CEMIP: variants seen among roughly 807,000 people sequenced by gnomAD.
The protein encoded by CEMIP is cell migration-inducing and hyaluronan-binding protein.
CEMIP carries 105 observed loss-of-function variants against 156.9 expected under a neutral mutation model. That is an observed-to-expected ratio of 0.67 (90% CI 0.57 to 0.79). The LOEUF (loss-of-function observed/expected upper bound fraction) is 0.79, where lower values mean the gene tolerates loss of function less well. Among genes scored for constraint, CEMIP ranks in the 30% least tolerant of loss-of-function variants. The probability of loss-of-function intolerance (pLI) is 0.00; values close to 1 mark genes in which losing one functional copy is unlikely to be tolerated. For missense variants in CEMIP, 1,457 were observed against 1,769.4 expected (o/e 0.82, Z 3.17); for synonymous variants, 676 against 668.4 (o/e 1.01, Z -0.17).
chr15:80,897,793 C>A (rs1899295663), intron 12 of CEMIP, among the ~76,000 whole-genome samples: 1 of 152,100 alleles, frequency 6.6e-6, no homozygotes, highest in African/African-American at 2.4e-5. Flanking sequence ...CCGAGATTAG[C>A]AGAAGAGCAG....
intron 1 of CEMIP, among the ~76,000 whole-genome samples, chr15:80,807,772 A>G (rs553781749): frequency 6.6e-6 from 1 of 152,322 alleles, no homozygotes; most frequent in African/African-American, 2.4e-5. Context: ...TTCCATTTCA[A>G]TATTTCTGTC....
chr15:80,913,922 G>A (rs1179099655), intron 14 of CEMIP, among the ~76,000 whole-genome samples: 2 of 152,228 alleles, frequency 1.3e-5, no homozygotes, highest in South Asian at 2.1e-4. Flanking sequence ...AAACTCATTC[G>A]CATCTTACAG....
intron 1 of CEMIP, among the ~76,000 whole-genome samples, chr15:80,846,861 T>TG (rs960700339): frequency 2.6e-4 from 39 of 152,280 alleles, no homozygotes; most frequent in African/African-American, 9.1e-4. Flanking sequence ...TGACAAGACT[T>TG]GGGGGCTTTA....
At chr15:80,847,622 C>CCTT (rs1431684686) in intron 1 of CEMIP, among the ~76,000 whole-genome samples, 4 of 152,214 alleles carry the variant, frequency 2.6e-5, no homozygotes, top group Non-Finnish European at 5.9e-5. Flanking sequence ...TGACAAACAG[C>CCTT]TGCAATTTGT....
chr15:80,791,109 T>TAA (rs5814036), intron 1 of CEMIP, among the ~76,000 whole-genome samples: 2 of 143,896 alleles, frequency 1.4e-5, no homozygotes, highest in African/African-American at 5.0e-5. Flanking sequence ...TGCAGAGGAT[T>TAA]AAAAAAAAAA....
rs544598592 is a variant in CEMIP, at chr15:80,817,282, G to GATTTGCAT, written c.-176+37670_-176+37677dup. ...TTGGATATTGCTTATAGGAGAATAG[G>GATTTGCAT]ATTTGCATAAATGATGTGTGAGTAG... On this transcript the variant is annotated intron_variant, in intron 1 of 29. Coordinates refer to ENST00000394685, the MANE Select transcript of CEMIP (RefSeq NM_001293298.2). Among the ~76,000 whole-genome samples the GATTTGCAT allele has an allele frequency of 6.6e-5, 10 of 152,180 alleles. No homozygotes were observed. The South Asian group carries it at 2.1e-3, about 32-fold the overall frequency.
At chr15:80,933,096 G>A in intron 22 of CEMIP, 149 bp from the exon 23 acceptor site, 1 of 697,336 alleles carries the variant, frequency 1.4e-6, no homozygotes, top group Non-Finnish European at 2.5e-6. Context: ...GGAGGGGTCA[G>A]CCACGTGGTT....
chr15:80,867,411 C>T (rs1187784753), intron 1 of CEMIP, among the ~76,000 whole-genome samples: 1 of 152,188 alleles, frequency 6.6e-6, no homozygotes, highest in African/African-American at 2.4e-5. Flanking sequence ...GGTTTTTGGT[C>T]TTTGCAGCAA....
At chr15:80,890,921 A>C (rs1371922650) in intron 10 of CEMIP, among the ~76,000 whole-genome samples, 4 of 152,202 alleles carry the variant, frequency 2.6e-5, no homozygotes, top group African/African-American at 7.2e-5. Flanking sequence ...AGTGTTATTG[A>C]GAAGGATTTA....
intron 1 of CEMIP, among the ~76,000 whole-genome samples, chr15:80,826,198 C>T (rs368318368): frequency 2.0e-4 from 30 of 152,272 alleles, no homozygotes; most frequent in South Asian, 8.3e-4. Flanking sequence ...GTATTTTCTC[C>T]GGATGCTACA....
chr15:80,906,635 T>A lies in CEMIP; in HGVS notation c.1412-28T>A. ...TCAGTGGGCATGCAGTACCTGCTGT[T>A]GTTTACCGTCCTCCCTTTCTGCCCT... On this transcript the variant is annotated intron_variant, in intron 12 of 29. Transcript: ENST00000394685. This position sits in a 1 kb window ranked among gnomAD's most constrained non-coding sequence, Gnocchi z 4.3. 1 of 1,600,412 alleles carries A rather than the reference T, an allele frequency of 6.2e-7. No homozygotes were observed. Among genetic ancestry groups the A allele is most frequent in the Non-Finnish European group, 8.5e-7 (1 of 1,171,914 alleles).
At chr15:80,852,757 C>T (rs1414408134) in intron 1 of CEMIP, among the ~76,000 whole-genome samples, 1 of 152,126 alleles carries the variant, frequency 6.6e-6, no homozygotes, top group African/African-American at 2.4e-5. Context: ...TGGTGCTTAT[C>T]TCATTTTCAG....
rs78282655 is a variant in CEMIP, at chr15:80,893,538, T to C, written c.1087-1452T>C. On this transcript the variant is annotated intron_variant, in intron 10 of 29. Transcript: ENST00000394685. ...TTACGGGGTCTCCAATTGAAGAACA[T>C]GCTACCCTCAGGGGAAAACTTCAGG... 1.1e-3 allele frequency among the ~76,000 whole-genome samples: 174 copies of C among 152,322 alleles called. 5 individuals are homozygous for C. In the East Asian group the frequency reaches 0.029, roughly 25 times the overall value.
chr15:80,934,422 A>C (rs1901038793), intron 23 of CEMIP, among the ~76,000 whole-genome samples: 1 of 152,250 alleles, frequency 6.6e-6, no homozygotes. Context: ...TTAAAATATT[A>C]GTTAGCTATT....
At chr15:80,827,245 A>G (rs926767629) in intron 1 of CEMIP, among the ~76,000 whole-genome samples, 2 of 152,220 alleles carry the variant, frequency 1.3e-5, no homozygotes, top group Non-Finnish European at 2.9e-5. Flanking sequence ...GAAAGAGAGA[A>G]AATACCACTC....
chr15:80,862,027 A>G (rs1247913790), intron 1 of CEMIP, among the ~76,000 whole-genome samples: 1 of 152,208 alleles, frequency 6.6e-6, no homozygotes, highest in Non-Finnish European at 1.5e-5. Context: ...AAAAAGGCTC[A>G]TGGTGGGGCA....
intron 5 of CEMIP, 67 bp downstream of exon 5, chr15:80,879,921 CAGAG>C (rs1898591979): frequency 1.3e-6 from 2 of 1,591,288 alleles, no homozygotes; most frequent in African/African-American, 1.3e-5. Context: ...CTTTCCAAGA[CAGAG>C]AGAGAGGCAA....
chr15:80,836,567 C>T (rs1897274023), intron 1 of CEMIP, among the ~76,000 whole-genome samples: 1 of 152,172 alleles, frequency 6.6e-6, no homozygotes, highest in Middle Eastern at 3.2e-3. Flanking sequence ...TTCCATAGTT[C>T]CTTTTGCCAT....
chr15:80,900,877 A>C (rs1000010184), intron 12 of CEMIP: 6 of 452,274 alleles, frequency 1.3e-5, no homozygotes, highest in African/African-American at 1.2e-4. Context: ...GGCTGGCTGC[A>C]GACACGGACA....
Sources: gnomAD v4.1 joint callset for allele counts (sites outside exome capture counted in the v4.1 genomes callset) on GRCh38, gnomAD v4.1.1 for gene constraint, Gnocchi (gnomAD v3.1) non-coding constraint, MANE v1.5 for transcripts, NCBI Gene and HGNC (gene_info 2026-07-23, HGNC 2026-07-21) for gene names.